CAPN3: variants seen among roughly 807,000 people sequenced by gnomAD.
The protein encoded by CAPN3 is calpain 3.
Under a neutral mutation model 114.0 loss-of-function variants are expected in CAPN3, and 88 were observed. The ratio of observed to expected loss-of-function variants is 0.77; its 90% confidence interval spans 0.65 to 0.92. The LOEUF is 0.92. CAPN3 is among the 40% of genes least tolerant of loss of function. The pLI is 0.00. For synonymous variants in CAPN3, 386 were observed against 382.9 expected (o/e 1.01, Z -0.09); for missense variants, 1,028 against 1,069.0 (o/e 0.96, Z 0.53).
intron 13 of CAPN3, 110 bp from the exon 14 acceptor site, chr15:42,403,631 G>A (rs376480049): frequency 4.1e-6 from 4 of 983,198 alleles, no homozygotes; most frequent in Non-Finnish European, 1.6e-6. Context: ...GTTCTCTAGA[G>A]GCTGGTTCTG....
At chr15:42,392,217 TA>T (rs2053574032) in intron 6 of CAPN3, among the ~76,000 whole-genome samples, 1 of 152,058 alleles carries the variant, frequency 6.6e-6, no homozygotes, top group African/African-American at 2.4e-5. Context: ...ATGTGTCACT[TA>T]ACCCCTTTTC....
At chr15:42,394,773 A>T (rs1365343025) in intron 8 of CAPN3, among the ~76,000 whole-genome samples, 1 of 152,178 alleles carries the variant, frequency 6.6e-6, no homozygotes, top group East Asian at 1.9e-4. Context: ...CATTGCTAAG[A>T]TTCCCTTACC....
chr15:42,411,219 G>C, intron 22 of CAPN3, 68 bp from the exon 23 acceptor site: 1 of 1,340,072 alleles, frequency 7.5e-7, no homozygotes, highest in Non-Finnish European at 1.1e-6. Context: ...GGTCCTCTGA[G>C]GGGAAGTTAC....
At chr15:42,371,689 C>T (rs956293926) in intron 1 of CAPN3, among the ~76,000 whole-genome samples, 1 of 152,122 alleles carries the variant, frequency 6.6e-6, no homozygotes, top group Non-Finnish European at 1.5e-5. Flanking sequence ...TTAGGCTGGG[C>T]GTGGTGGCTC....
chr15:42,368,951 AAAAG>A (rs1463666318), intron 1 of CAPN3, among the ~76,000 whole-genome samples: 1 of 152,234 alleles, frequency 6.6e-6, no homozygotes, highest in East Asian at 1.9e-4. Flanking sequence ...GTAAGAGTTA[AAAAG>A]AAAGAGGAAA....
At chr15:42,397,722 TA>T (rs1162198549) in intron 9 of CAPN3, among the ~76,000 whole-genome samples, 1 of 152,122 alleles carries the variant, frequency 6.6e-6, no homozygotes, top group East Asian at 1.9e-4. Context: ...ATTTTTTATT[TA>T]AAAACTATAA....
intron 6 of CAPN3, 121 bp downstream of exon 6, chr15:42,390,217 C>T (rs1028694587): frequency 3.7e-5 from 42 of 1,129,674 alleles, no homozygotes; most frequent in Non-Finnish European, 5.0e-5. Context: ...CTGGCACCTC[C>T]CAAGGGTCTG....
In CAPN3 at chr15:42,411,875, C is replaced by T. The variant is rs960262390; in HGVS notation, c.*102C>T. On this transcript the variant is annotated 3_prime_UTR_variant, in exon 24 of 24. Transcript: ENST00000397163. ...CCTCAAAGGACCCAGCAGCTACACC[C>T]CTACAGGCTTCCAGGCACCTCATCA... The T allele has an allele frequency of 1.4e-5, 22 of 1,602,604 alleles. No homozygotes were observed. The African/African-American group carries it at 2.3e-4, about 17-fold the overall frequency.
intron 13 of CAPN3, 47 bp downstream of exon 13, chr15:42,403,049 G>GC (rs762561395): frequency 6.6e-7 from 1 of 1,522,380 alleles, no homozygotes; most frequent in Non-Finnish European, 9.1e-7. Flanking sequence ...AGCTCACATG[G>GC]CCCACTCCAG....
At chr15:42,402,465 G>A in intron 12 of CAPN3, 9 of 1,427,574 alleles carry the variant, frequency 6.3e-6, no homozygotes, top group South Asian at 1.5e-5. Flanking sequence ...TGGGATGGAG[G>A]AATCACTTCC....
chr15:42,395,208 C>CAT (rs1434547161), intron 8 of CAPN3, among the ~76,000 whole-genome samples: 3 of 152,206 alleles, frequency 2.0e-5, no homozygotes, highest in Admixed American at 6.5e-5. Flanking sequence ...TCTGTGAACC[C>CAT]ATAGCCTCCC....
At chr15:42,409,226 T>G in intron 16 of CAPN3, 77 bp from the exon 17 acceptor site, 2 of 1,385,780 alleles carry the variant, frequency 1.4e-6, no homozygotes, top group Non-Finnish European at 2.0e-6. Context: ...CTTGGCTCCC[T>G]TGGCCCAGAG....
chr15:42,392,548 C>A, intron 6 of CAPN3, 91 bp from the exon 7 acceptor site: 1 of 969,540 alleles, frequency 1.0e-6, no homozygotes, highest in South Asian at 1.4e-5. Flanking sequence ...CTTCACAGAG[C>A]CCGGAAAATG....
chr15:42,402,365 T>TCA (rs2053896775), intron 12 of CAPN3: 1 of 1,466,344 alleles, frequency 6.8e-7, no homozygotes, highest in Non-Finnish European at 9.0e-7. Context: ...ACACTGCACG[T>TCA]CACACACATG....
At chr15:42,369,736 T>C (rs2052888691) in intron 1 of CAPN3, among the ~76,000 whole-genome samples, 1 of 152,178 alleles carries the variant, frequency 6.6e-6, no homozygotes, top group African/African-American at 2.4e-5. Flanking sequence ...ACAACTGGAA[T>C]GAATCATTTC....
chr15:42,398,680 C>T (rs987087443), intron 9 of CAPN3, among the ~76,000 whole-genome samples: 8 of 140,448 alleles, frequency 5.7e-5, no homozygotes, highest in African/African-American at 9.0e-5. Flanking sequence ...CACACACACA[C>T]GTCTGTATAT....
At chr15:42,406,563 C>T (rs2054029005) in intron 15 of CAPN3, among the ~76,000 whole-genome samples, 1 of 152,044 alleles carries the variant, frequency 6.6e-6, no homozygotes, top group Admixed American at 6.5e-5. Flanking sequence ...TATTTTTCCC[C>T]TTTCACAGGT....
At chr15:42,409,523 A>C in intron 17 of CAPN3, 143 bp downstream of exon 17, 1 of 933,284 alleles carries the variant, frequency 1.1e-6, no homozygotes. Flanking sequence ...GTAGCACACA[A>C]ATCCACAAGC....
At chr15:42,386,419 C>G (rs1259214422) in intron 3 of CAPN3, 134 bp downstream of exon 3, 6 of 765,180 alleles carry the variant, frequency 7.8e-6, no homozygotes, top group Non-Finnish European at 1.4e-5. Flanking sequence ...GCATGGACCC[C>G]CTTAAGGCTT....
Sources: allele counts gnomAD v4.1 joint callset (sites outside exome capture counted in the v4.1 genomes callset), GRCh38; gene constraint gnomAD v4.1.1; transcripts MANE v1.5; gene names NCBI Gene and HGNC (gene_info 2026-07-23, HGNC 2026-07-21).